Variants in SETBP1 observed in about 807,000 individuals in gnomAD.
The protein encoded by SETBP1 is SET binding protein 1.
A neutral mutation model predicts 101.0 loss-of-function variants in SETBP1; 9 were observed. That is an observed-to-expected ratio of 0.09 (90% CI 0.05 to 0.16). The LOEUF is 0.16. Ranked by LOEUF, SETBP1 falls within the 10% of genes least tolerant of loss-of-function variation. The probability of loss-of-function intolerance (pLI) is 1.00; values close to 1 mark genes in which losing one functional copy is unlikely to be tolerated. For missense variants in SETBP1, 1,858 were observed against 2,033.8 expected (o/e 0.91, Z 1.66); for synonymous variants, 818 against 788.5 (o/e 1.04, Z -0.63).
At chr18:44,798,256 A>G (rs2071524889) in intron 2 of SETBP1, among the ~76,000 whole-genome samples, 1 of 151,774 alleles carries the variant, frequency 6.6e-6, no homozygotes, top group African/African-American at 2.4e-5. Context: ...TGAAACCATA[A>G]CAAAAAAAAT....
chr18:45,037,324 G>A (rs1273427355), intron 4 of SETBP1, among the ~76,000 whole-genome samples: 2 of 152,164 alleles, frequency 1.3e-5, no homozygotes, highest in African/African-American at 2.4e-5. Flanking sequence ...TATATTCTTA[G>A]TCATGTCAGG....
At chr18:44,876,636 C>T (rs1268443092) in intron 3 of SETBP1, 2 of 1,551,620 alleles carry the variant, frequency 1.3e-6, no homozygotes, top group East Asian at 4.9e-5. Flanking sequence ...AAAAGCAATT[C>T]CTGTCCCAGG....
intron 4 of SETBP1, among the ~76,000 whole-genome samples, chr18:44,989,386 A>G (rs1473588590): frequency 1.3e-5 from 2 of 152,224 alleles, no homozygotes; most frequent in Non-Finnish European, 2.9e-5. Flanking sequence ...ACTGGAAGAT[A>G]GATCCAAAGA....
In SETBP1 at chr18:45,063,144, A is replaced by G. The variant is rs1156250216; in HGVS notation, c.4237A>G (p.Lys1413Glu). 2 of 1,614,048 alleles carry G rather than the reference A, an allele frequency of 1.2e-6. No homozygotes were observed. The highest frequency in any genetic ancestry group is 1.7e-6 in the Non-Finnish European group (2 of 1,180,028). Residue 1413 changes from lysine to glutamate, a missense_variant, in exon 6 of 6, where the codon AAG (lysine) becomes GAG (glutamate). By Grantham distance (56) the Lys-to-Glu change is moderately conservative. Coordinates refer to ENST00000649279, the MANE Select transcript of SETBP1 (RefSeq NM_015559.3). ...CGAAGCCATCCAGTGCGAAGTGCGG[A>G]AGATGTGCAACTACACCAAGATCCT... is the stretch of plus-strand genomic sequence containing the variant. Reference protein sequence around the residue: ...EIEAIQCEVRKMCNYTKILST... With the variant: ...EIEAIQCEVREMCNYTKILST...
intron 1 of SETBP1, among the ~76,000 whole-genome samples, chr18:44,695,040 A>G (rs77554480): frequency 6.6e-6 from 1 of 152,314 alleles, no homozygotes; most frequent in African/African-American, 2.4e-5. Flanking sequence ...TTAAAAAAAA[A>G]TCCACAGTGA....
chr18:44,765,545 C>T (rs2070748380), intron 2 of SETBP1, among the ~76,000 whole-genome samples: 1 of 152,124 alleles, frequency 6.6e-6, no homozygotes, highest in Non-Finnish European at 1.5e-5. Flanking sequence ...AAATGGTATC[C>T]AGGCTACGGA....
At chr18:44,855,159 T>A (rs1299241038) in intron 2 of SETBP1, among the ~76,000 whole-genome samples, 2 of 152,208 alleles carry the variant, frequency 1.3e-5, no homozygotes, top group Admixed American at 1.3e-4. Flanking sequence ...TTTATTTCTC[T>A]CTTCTTTTAT....
At chr18:44,801,721 C>T (rs1204160869) in intron 2 of SETBP1, among the ~76,000 whole-genome samples, 4 of 150,954 alleles carry the variant, frequency 2.6e-5, no homozygotes, top group Non-Finnish European at 5.9e-5. Context: ...ATTGAGCTTG[C>T]CATATAAAAA....
At chr18:44,947,975 G>A (rs2071248360) in intron 3 of SETBP1, among the ~76,000 whole-genome samples, 1 of 152,168 alleles carries the variant, frequency 6.6e-6, no homozygotes, top group Non-Finnish European at 1.5e-5. Context: ...AGCATAAATA[G>A]AAACTAGCAA....
intron 1 of SETBP1, among the ~76,000 whole-genome samples, chr18:44,682,509 C>T (rs745529628): frequency 6.6e-6 from 1 of 152,124 alleles, no homozygotes; most frequent in Non-Finnish European, 1.5e-5. Context: ...CTGGCTTCTA[C>T]CATCCTTAAA....
chr18:44,895,368 A>G (rs765592067), intron 3 of SETBP1, among the ~76,000 whole-genome samples: 1 of 151,876 alleles, frequency 6.6e-6, no homozygotes, highest in Non-Finnish European at 1.5e-5. Flanking sequence ...AGTTCACATC[A>G]AATACTCAAG....
intron 2 of SETBP1, among the ~76,000 whole-genome samples, chr18:44,857,357 G>A (rs1225689618): frequency 2.0e-5 from 3 of 152,152 alleles, no homozygotes; most frequent in Non-Finnish European, 4.4e-5. Flanking sequence ...TAATGCCTTG[G>A]GTGAGTGTCA....
chr18:44,682,883 T>C (rs1227883868), intron 1 of SETBP1, among the ~76,000 whole-genome samples: 2 of 151,982 alleles, frequency 1.3e-5, no homozygotes, highest in Non-Finnish European at 2.9e-5. Context: ...CTAGCCACTA[T>C]AGTAACCTGA....
chr18:44,709,837 T>G (rs2069300947), intron 2 of SETBP1, among the ~76,000 whole-genome samples: 1 of 144,210 alleles, frequency 6.9e-6, no homozygotes, highest in Non-Finnish European at 1.5e-5. Flanking sequence ...TTTTTTGGTG[T>G]TGGTGGTAGG....
chr18:44,707,683 G>C (rs1276967900), intron 2 of SETBP1, among the ~76,000 whole-genome samples: 1 of 152,226 alleles, frequency 6.6e-6, no homozygotes, highest in African/African-American at 2.4e-5. Flanking sequence ...AACACACAAA[G>C]TATGGATAGG....
chr18:44,979,495 G>T (rs2072064702), intron 4 of SETBP1, among the ~76,000 whole-genome samples: 1 of 152,162 alleles, frequency 6.6e-6, no homozygotes, highest in East Asian at 1.9e-4. Flanking sequence ...TCCTCCATAA[G>T]TTCAAAGATA....
chr18:44,751,796 G>A (rs2070385448), intron 2 of SETBP1, among the ~76,000 whole-genome samples: 1 of 152,142 alleles, frequency 6.6e-6, no homozygotes, highest in Non-Finnish European at 1.5e-5. Context: ...AGACTGAGTG[G>A]CTTAAAAAAT....
chr18:45,002,581 AT>A (rs1321011403), intron 4 of SETBP1, among the ~76,000 whole-genome samples: 1 of 152,078 alleles, frequency 6.6e-6, no homozygotes, highest in Non-Finnish European at 1.5e-5. Context: ...TTATATTTAT[AT>A]TTTTAAGCAT....
chr18:44,739,984 G>A (rs1414277217), intron 2 of SETBP1, among the ~76,000 whole-genome samples: 1 of 152,204 alleles, frequency 6.6e-6, no homozygotes, highest in African/African-American at 2.4e-5. Context: ...TCTTTGGAAT[G>A]CCAGAGGATG....
Sources: allele counts gnomAD v4.1 joint callset (sites outside exome capture counted in the v4.1 genomes callset), GRCh38; gene constraint gnomAD v4.1.1; transcripts MANE v1.5; gene names NCBI Gene and HGNC (gene_info 2026-07-23, HGNC 2026-07-21).